Variants in ABI3BP observed in about 807,000 individuals in gnomAD.
ABI3BP encodes ABI family member 3 binding protein.
A neutral mutation model predicts 268.6 loss-of-function variants in ABI3BP; 216 were observed. That is an observed-to-expected ratio of 0.80 (90% CI 0.72 to 0.90). ABI3BP has a LOEUF of 0.90. Among genes scored for constraint, ABI3BP ranks in the 40% least tolerant of loss-of-function variants. The pLI, the probability that ABI3BP is intolerant of heterozygous loss-of-function variation, is 0.00. For missense variants in ABI3BP, 2,090 were observed against 2,182.4 expected, an observed-to-expected ratio of 0.96 and a Z score of 0.84; for synonymous variants, 730 against 730.0, an observed-to-expected ratio of 1.00 and a Z score of 0.00.
In ABI3BP at chr3:100,945,253, G is replaced by A. The variant is rs892954549; in HGVS notation, c.80-18772C>T. ...ATTGTACTTCAAATATATAAAAAAA[G>A]GAACAAATATTTTCACGAGCATATG... On this transcript the variant is annotated intron_variant, in intron 1 of 67. Coordinates refer to ENST00000471714, the MANE Select transcript of ABI3BP (RefSeq NM_001375547.2). Among the ~76,000 whole-genome samples, 7 of 151,994 alleles carry A rather than the reference G, an allele frequency of 4.6e-5. No homozygotes were observed. In the East Asian group the frequency reaches 1.4e-3, roughly 29 times the overall value.
intron 1 of ABI3BP, among the ~76,000 whole-genome samples, chr3:100,988,221 A>G (rs567624683): frequency 7.2e-5 from 11 of 152,272 alleles, no homozygotes; most frequent in Admixed American, 7.2e-4. Context: ...TTGTTTTGTC[A>G]AAGTGAGGTT....
At chr3:100,755,864 G>A (rs2095588115) in intron 63 of ABI3BP, among the ~76,000 whole-genome samples, 2 of 152,126 alleles carry the variant, frequency 1.3e-5, no homozygotes, top group African/African-American at 4.8e-5. Flanking sequence ...TTTCGTCTTT[G>A]AGAAGTTTAT....
In ABI3BP at chr3:100,810,416, T is replaced by C; in HGVS notation, c.3603A>G (p.Glu1201=). Residue 1201 remains glutamate (E), a synonymous_variant, in exon 49 of 68, where the codon GAA becomes GAG. Coordinates refer to ENST00000471714, the MANE Select transcript of ABI3BP (RefSeq NM_001375547.2). ...CATACAAAATAATGTATTTACCAGG[T>C]TCAGTCTGAGGCTCATCTGGGCTGG... ...TLPSPDEPQT[E]PAPKQTPRAP... The C allele has an allele frequency of 6.5e-7, 1 of 1,533,388 alleles. No individual in the cohort carries two copies. The highest frequency in any genetic ancestry group is 8.7e-7 in the Non-Finnish European group (1 of 1,144,686). 95.0% of individuals were successfully genotyped at this position (1,533,388 alleles called of 1,614,324 possible).
rs2098661531 is a variant in ABI3BP at position 100,839,612 on chromosome 3, C to T, written c.1902G>A (p.Leu634=). Residue 634 remains leucine, a synonymous_variant, in exon 24 of 68, where the codon CTG becomes CTA. Coordinates refer to ENST00000471714, the MANE Select transcript of ABI3BP (RefSeq NM_001375547.2). ...SPEVPKSKPA[L]EPATIQPEPL... Reference sequence around the variant, plus strand: ...GCTCCGGTTGTATCGTGGCAGGTTCCAGAGCTACAGAAGCAAATACCAAAA... The same window carrying T: ...GCTCCGGTTGTATCGTGGCAGGTTCTAGAGCTACAGAAGCAAATACCAAAA... The T allele has an allele frequency of 6.5e-7, 1 of 1,535,778 alleles. No individual in the cohort carries two copies. Among genetic ancestry groups the T allele is most frequent in the African/African-American group, 1.4e-5 (1 of 73,122 alleles).
At chr3:100,767,136 TG>T (rs2096311082) in intron 62 of ABI3BP, among the ~76,000 whole-genome samples, 1 of 152,064 alleles carries the variant, frequency 6.6e-6, no homozygotes, top group African/African-American at 2.4e-5. Context: ...GACAGGGTTT[TG>T]CCATGTTGCC....
At chr3:100,835,321 A>C (rs1234399750) in intron 28 of ABI3BP, among the ~76,000 whole-genome samples, 1 of 152,322 alleles carries the variant, frequency 6.6e-6, no homozygotes, top group Admixed American at 6.5e-5. Flanking sequence ...TTAACATAGA[A>C]CACTACTGGA....
intron 4 of ABI3BP, among the ~76,000 whole-genome samples, chr3:100,892,612 A>G (rs1383076383): frequency 2.0e-5 from 3 of 152,218 alleles, no homozygotes; most frequent in African/African-American, 7.2e-5. Flanking sequence ...TCATTTACAT[A>G]CTTGCCACTT....
chr3:100,812,394 G>T, intron 46 of ABI3BP, 73 bp downstream of exon 46: 1 of 1,008,920 alleles, frequency 9.9e-7, no homozygotes. Flanking sequence ...AAAGCATGAG[G>T]ACATCCAGAG....
intron 67 of ABI3BP, among the ~76,000 whole-genome samples, chr3:100,751,152 TACA>T (rs2095299211): frequency 6.6e-6 from 1 of 152,152 alleles, no homozygotes; most frequent in African/African-American, 2.4e-5. Flanking sequence ...ATTATATTTA[TACA>T]GTTACTTGCA....
At chr3:100,927,695 G>T (rs1446986614) in intron 1 of ABI3BP, among the ~76,000 whole-genome samples, 1 of 152,192 alleles carries the variant, frequency 6.6e-6, no homozygotes, top group East Asian at 1.9e-4. Context: ...ACTAGGGGGA[G>T]GTTGCTAAAC....
At chr3:100,816,539 A>C in intron 43 of ABI3BP, 149 bp downstream of exon 43, 5 of 742,844 alleles carry the variant, frequency 6.7e-6, no homozygotes, top group Non-Finnish European at 1.2e-5. Flanking sequence ...CTGTACGAGA[A>C]GCAGTTGCTA....
intron 20 of ABI3BP, chr3:100,843,810 T>G: frequency 1.0e-6 from 1 of 985,136 alleles, no homozygotes; most frequent in South Asian, 4.7e-5. Context: ...ACTTCAAGAT[T>G]GTAATTCATG....
chr3:100,961,536 A>ACTT (rs1192474143), intron 1 of ABI3BP, among the ~76,000 whole-genome samples: 1 of 152,144 alleles, frequency 6.6e-6, no homozygotes, highest in African/African-American at 2.4e-5. Context: ...GGAGAAGAAA[A>ACTT]CTTATCCTAA....
intron 9 of ABI3BP, among the ~76,000 whole-genome samples, chr3:100,874,147 C>T (rs1312654883): frequency 6.6e-6 from 1 of 152,108 alleles, no homozygotes; most frequent in East Asian, 1.9e-4. Flanking sequence ...ATTCTCAGGC[C>T]CCATACCGGA....
intron 4 of ABI3BP, among the ~76,000 whole-genome samples, chr3:100,898,118 C>T (rs948004124): frequency 6.6e-6 from 1 of 152,160 alleles, no homozygotes; most frequent in African/African-American, 2.4e-5. Flanking sequence ...CCCATTTGTT[C>T]TTCCAAAGAA....
chr3:100,808,634 T>G (rs2097774274), intron 49 of ABI3BP, among the ~76,000 whole-genome samples: 1 of 152,068 alleles, frequency 6.6e-6, no homozygotes, highest in Non-Finnish European at 1.5e-5. Context: ...AAAGTTAACA[T>G]GTTATAGCCC....
intron 51 of ABI3BP, among the ~76,000 whole-genome samples, chr3:100,797,550 GA>G (rs2097381602): frequency 6.9e-6 from 1 of 144,800 alleles, no homozygotes. Context: ...TCAGAAGAAA[GA>G]TGAAGAAACT....
chr3:100,915,215 A>C (rs962570417), intron 2 of ABI3BP, among the ~76,000 whole-genome samples: 4 of 151,934 alleles, frequency 2.6e-5, no homozygotes, highest in Non-Finnish European at 5.9e-5. Context: ...CTTTACTCTT[A>C]TCCCCCAACC....
At chr3:100,990,152 C>T (rs1449308) in intron 1 of ABI3BP, among the ~76,000 whole-genome samples, 28,625 of 152,162 alleles carry the variant, frequency 0.19, 2,800 homozygotes, top group East Asian at 0.37. Flanking sequence ...ACCACCTCAT[C>T]TCCTACCTTA....
Sources: gnomAD v4.1 joint callset for allele counts (sites outside exome capture counted in the v4.1 genomes callset) on GRCh38, gnomAD v4.1.1 for gene constraint, MANE v1.5 for transcripts, NCBI Gene and HGNC (gene_info 2026-07-23, HGNC 2026-07-21) for gene names.